The following SRPX2 variants were observed in gnomAD, a reference collection of about 807,000 sequenced individuals.
SRPX2 encodes the protein sushi repeat containing protein X-linked 2, also known as sushi repeat-containing protein SRPX2.
SRPX2 carries 26 observed loss-of-function variants against 45.3 expected under a neutral mutation model. That is an observed-to-expected ratio of 0.57 (90% confidence interval 0.42 to 0.80). SRPX2 has a LOEUF of 0.80. Among genes scored for constraint, SRPX2 ranks in the 30% least tolerant of loss-of-function variants. The pLI is 0.00. For synonymous variants in SRPX2, 125 were observed against 143.7 expected (o/e 0.87, Z 0.93); for missense variants, 355 against 399.8 (o/e 0.89, Z 0.95).
At chrX:100,664,632 T>A in intron 4 of SRPX2, 142 bp from the exon 5 acceptor site, 1 of 604,164 alleles carries the variant, frequency 1.7e-6, no homozygotes, top group Non-Finnish European at 2.7e-6. Context: ...AAAAGGCAGT[T>A]AGGCACAAAA....
At chrX:100,666,441 T>C (rs1345158368) in intron 7 of SRPX2, among the ~76,000 whole-genome samples, 3 of 112,758 alleles carry the variant, frequency 2.7e-5, no homozygotes, top group African/African-American at 9.7e-5. Context: ...TGCAAGGTAG[T>C]CATCTTTACA....
intron 3 of SRPX2, among the ~76,000 whole-genome samples, chrX:100,655,855 G>GT (rs11362126): frequency 0.11 from 5,351 of 49,990 alleles, 232 homozygotes; most frequent in East Asian, 0.13. Flanking sequence ...GGGTGGGGGA[G>GT]TTTTTTTTTT....
In SRPX2 at chrX:100,649,827, G is replaced by C. The variant is rs184535872; in HGVS notation, c.83-958G>C. On this transcript the variant is annotated intron_variant, in intron 2 of 10. Coordinates refer to ENST00000373004, the MANE Select transcript of SRPX2 (RefSeq NM_014467.3). Reference sequence around the variant, plus strand: ...GGAAGCACACCCTCTCCTGGAAATAGGGAATTGTCTCTTGACTCCAAAACA... The same window carrying C: ...GGAAGCACACCCTCTCCTGGAAATACGGAATTGTCTCTTGACTCCAAAACA... 3.6e-5 allele frequency among the ~76,000 whole-genome samples: 4 copies of C among 112,256 alleles called. No individual in the cohort carries two copies. In the East Asian group the frequency reaches 1.1e-3, roughly 32 times the overall value.
chrX:100,656,703 T>C (rs2083170212), intron 3 of SRPX2, among the ~76,000 whole-genome samples: 1 of 112,447 alleles, frequency 8.9e-6, no homozygotes, highest in Non-Finnish European at 1.9e-5. Flanking sequence ...CCACATTTTA[T>C]TTATCCATTA....
Position 100,671,246 on chromosome X carries a change from C to CT in SRPX2, c.*260dup, listed in dbSNP as rs1337445654. 2.5e-6 allele frequency: 1 copy of CT among 404,698 alleles called. No homozygotes were observed. The highest frequency in any genetic ancestry group is 2.5e-5 in the African/African-American group (1 of 39,566). 33.4% of individuals were successfully genotyped at this position (404,698 alleles called of 1,213,427 possible). On this transcript the variant is annotated 3_prime_UTR_variant, in exon 11 of 11. Coordinates refer to ENST00000373004, the MANE Select transcript of SRPX2 (RefSeq NM_014467.3). Reference sequence around the variant, plus strand: ...GTTCTTCCTTTCCTAACCCGGGCCCCTGCCCAGCTCTCCAAAGTCTTTCAG... The same window carrying CT: ...GTTCTTCCTTTCCTAACCCGGGCCCCTTGCCCAGCTCTCCAAAGTCTTTCAG...
At chrX:100,653,886 GTGTATTTAACTGTTTTTAAC>G (rs1415684924) in intron 3 of SRPX2, among the ~76,000 whole-genome samples, 1 of 112,183 alleles carries the variant, frequency 8.9e-6, no homozygotes, top group Non-Finnish European at 1.9e-5. Context: ...AACTGTATTT[GTGTATTTAACTGTTTTTAAC>G]TGTATTTAAC....
chrX:100,666,091 T>C (rs896908325), intron 7 of SRPX2, among the ~76,000 whole-genome samples: 3 of 112,296 alleles, frequency 2.7e-5, no homozygotes, highest in Non-Finnish European at 3.8e-5. Context: ...ATGCTTATTG[T>C]TGAACATTTG....
At chrX:100,668,624 A>G (rs914547528) in intron 9 of SRPX2, among the ~76,000 whole-genome samples, 1 of 112,047 alleles carries the variant, frequency 8.9e-6, no homozygotes, top group African/African-American at 3.2e-5. Flanking sequence ...GGCAGGACAG[A>G]GATCTGGGGT....
Position 100,665,242 on chromosome X carries a change from G to A in SRPX2, c.533-1G>A, listed in dbSNP as rs796053343. The A allele has an allele frequency of 4.1e-6, 5 of 1,209,939 alleles. No homozygotes were observed. Among genetic ancestry groups the A allele is most frequent in the Non-Finnish European group, 5.6e-6 (5 of 894,708 alleles). Reference sequence around the variant, plus strand: ...CAGCACTTGATTTTTCATCTTGGCAGACATAGATCCCCCCAAGATCCGCTG... The same window carrying A: ...CAGCACTTGATTTTTCATCTTGGCAAACATAGATCCCCCCAAGATCCGCTG... On this transcript the variant is annotated splice_acceptor_variant, in intron 5 of 10. Coordinates refer to ENST00000373004, the MANE Select transcript of SRPX2 (RefSeq NM_014467.3). LOFTEE classifies it high-confidence loss of function.
At chrX:100,658,788 T>C (rs866414212) in intron 3 of SRPX2, among the ~76,000 whole-genome samples, 19 of 112,021 alleles carry the variant, frequency 1.7e-4, no homozygotes, top group Middle Eastern at 4.2e-3. Flanking sequence ...TTCATCGATG[T>C]TTTATAGTTT....
chrX:100,670,790 T>C lies in SRPX2; in HGVS notation c.1218-17T>C, dbSNP rs1317899251. 10 of 1,211,075 alleles carry C rather than the reference T, an allele frequency of 8.3e-6. No homozygotes were observed. The Middle Eastern group carries it at 7.2e-4, about 87-fold the overall frequency. Reference sequence around the variant, plus strand: ...GCCCAGACAAGGTCTCATACCTCCCTGGGCTGTTCTCTCTAGGCAATTTCA... The same window carrying C: ...GCCCAGACAAGGTCTCATACCTCCCCGGGCTGTTCTCTCTAGGCAATTTCA... On this transcript the variant is annotated splice_polypyrimidine_tract_variant and intron_variant, in intron 10 of 10. Coordinates refer to ENST00000373004, the MANE Select transcript of SRPX2 (RefSeq NM_014467.3).
chrX:100,665,256 C>A lies in SRPX2; in HGVS notation c.546C>A (p.Pro182=), dbSNP rs779500463. The A allele has an allele frequency of 3.7e-5, 45 of 1,208,435 alleles. No individual in the cohort carries two copies. Among genetic ancestry groups the A allele is most frequent in the Non-Finnish European group, 4.8e-5 (43 of 894,514 alleles). ...TCATCTTGGCAGACATAGATCCCCC[C>A]AAGATCCGCTGTCCCCACTCACGTG... is the stretch of plus-strand genomic sequence containing the variant. The part of the protein sequence containing the change: ...GEPVCVDIDP[P]KIRCPHSREK... Residue 182 remains proline (P), a synonymous_variant, in exon 6 of 11, where the codon CCC becomes CCA. Transcript: ENST00000373004.
At chrX:100,662,444 G>T (rs925153296) in intron 4 of SRPX2, 77 bp downstream of exon 4, 2 of 1,102,502 alleles carry the variant, frequency 1.8e-6, no homozygotes, top group African/African-American at 3.6e-5. Context: ...GTATATGCCC[G>T]GAGGTGTTAC....
rs181200947 is a variant in SRPX2, at chrX:100,665,126, T to C, written c.533-117T>C. Reference sequence around the variant, plus strand: ...CTGAAGTTGCGCTTCCTTCCCCAGTTTCCTTGAGCACCTTGAACTTTTTAT... The same window carrying C: ...CTGAAGTTGCGCTTCCTTCCCCAGTCTCCTTGAGCACCTTGAACTTTTTAT... On this transcript the variant is annotated intron_variant, in intron 5 of 10. Transcript: ENST00000373004. 7.8e-4 allele frequency: 869 copies of C among 1,112,154 alleles called. 3 individuals carry two copies. The African/African-American group carries it at 0.014, about 18-fold the overall frequency. The allele number at this position is 1,112,154 out of a possible 1,213,427, so 91.7% of individuals were successfully genotyped here. A position where few individuals can be genotyped will look rare whatever the true frequency, so the allele number is the denominator to read the frequency against.
In SRPX2 at chrX:100,675,090, C is replaced by G. The variant is rs1176324996; in HGVS notation, c.*4103C>G. On this transcript the variant is annotated 3_prime_UTR_variant, in exon 11 of 11. Coordinates refer to ENST00000373004, the MANE Select transcript of SRPX2 (RefSeq NM_014467.3). ...AGACCATGCTCTGTTTGATAACACA[C>G]CCCAGACGCAAACACTAAGACAGAT... is the stretch of plus-strand genomic sequence containing the variant. The G allele has an allele frequency of 6.2e-5, 7 of 112,126 alleles. No homozygotes were observed. Among genetic ancestry groups the G allele is most frequent in the African/African-American group, 2.3e-4 (7 of 30,769 alleles). 9.2% of individuals were successfully genotyped at this position (112,126 alleles called of 1,213,427 possible).
chrX:100,669,372 C>T lies in SRPX2; in HGVS notation c.1217+3C>T. 1.2e-6 allele frequency: 1 copy of T among 857,635 alleles called. No homozygotes were observed. Among genetic ancestry groups the T allele is most frequent in the South Asian group, 2.6e-5 (1 of 38,081 alleles). The allele number at this position is 857,635 out of a possible 1,213,427, so 70.7% of individuals were successfully genotyped here. ...GCCAACATCATCGAGGAGCTCAGGT[C>T]CAGGCTGGGAGGCTGCCAAACTTGG... On this transcript the variant is annotated splice_donor_region_variant and intron_variant, in intron 10 of 10. Transcript: ENST00000373004.
Position 100,672,014 on chromosome X carries a change from A to G in SRPX2, c.*1027A>G, listed in dbSNP as rs1467832652. ...TTGTTACTTAGGAAACTTCAAAACC[A>G]CCACTGCAGGTCGTAGGGAAAGAAA... On this transcript the variant is annotated 3_prime_UTR_variant, in exon 11 of 11. Coordinates refer to ENST00000373004, the MANE Select transcript of SRPX2 (RefSeq NM_014467.3). The G allele has an allele frequency of 3.6e-5, 4 of 111,755 alleles. No individual in the cohort carries two copies. Among genetic ancestry groups the G allele is most frequent in the Non-Finnish European group, 7.5e-5 (4 of 53,215 alleles). 9.2% of individuals were successfully genotyped at this position (111,755 alleles called of 1,213,427 possible). A position where few individuals can be genotyped will look rare whatever the true frequency, so the allele number is the denominator to read the frequency against.
chrX:100,655,597 CCTGGG>C (rs1330813499), intron 3 of SRPX2, among the ~76,000 whole-genome samples: 1 of 111,057 alleles, frequency 9.0e-6, no homozygotes, highest in Non-Finnish European at 1.9e-5. Context: ...GCAGACAAAG[CCTGGG>C]TTCAAATTTC....
At chrX:100,661,694 TG>T (rs1209361400) in intron 3 of SRPX2, among the ~76,000 whole-genome samples, 1 of 111,949 alleles carries the variant, frequency 8.9e-6, no homozygotes, top group East Asian at 2.8e-4. Flanking sequence ...GGCGTGAACG[TG>T]GGAGGCGGAG....
Sources: gnomAD v4.1 joint callset for allele counts (sites outside exome capture counted in the v4.1 genomes callset) on GRCh38, gnomAD v4.1.1 for gene constraint, MANE v1.5 for transcripts, NCBI Gene and HGNC (gene_info 2026-07-23, HGNC 2026-07-21) for gene names.